Variants in BEND4 observed in about 807,000 individuals in gnomAD.
BEND4 encodes the protein BEN domain containing 4.
Under a neutral mutation model 54.7 loss-of-function variants are expected in BEND4, and 27 were observed. That is an observed-to-expected ratio of 0.49 (90% confidence interval 0.36 to 0.68). The LOEUF (loss-of-function observed/expected upper bound fraction) is 0.68, where lower values mean the gene tolerates loss of function less well. Ranked by LOEUF, BEND4 falls within the 30% of genes least tolerant of loss-of-function variation. The pLI is 0.00. For missense variants in BEND4, 702 were observed against 697.2 expected (o/e 1.01, Z -0.08); for synonymous variants, 327 against 299.5 (o/e 1.09, Z -0.95).
chr4:42,123,633 T>A (rs79520568), intron 4 of BEND4, among the ~76,000 whole-genome samples: 2 of 144,804 alleles, frequency 1.4e-5, no homozygotes, highest in East Asian at 4.0e-4. Flanking sequence ...TTAGGAAATA[T>A]GGATTTAATT....
At chr4:42,134,362 G>A (rs1476677053) in intron 3 of BEND4, among the ~76,000 whole-genome samples, 2 of 152,022 alleles carry the variant, frequency 1.3e-5, no homozygotes, top group African/African-American at 2.4e-5. Flanking sequence ...TCATCTTTAC[G>A]TGCCCTATTC....
At chr4:42,151,112 G>A (rs186476160) in intron 2 of BEND4, 223 of 152,456 alleles carry the variant, frequency 1.5e-3, no homozygotes, top group Non-Finnish European at 1.5e-3. Context: ...AAAGACAGAA[G>A]GAAAAACGGA....
At chr4:42,122,049 G>A (rs956372540) in intron 4 of BEND4, among the ~76,000 whole-genome samples, 5 of 152,080 alleles carry the variant, frequency 3.3e-5, no homozygotes, top group African/African-American at 1.2e-4. Flanking sequence ...GTGAAATCGG[G>A]GGGCTGGCTA....
At chr4:42,150,383 G>A (rs1247350067) in intron 2 of BEND4, among the ~76,000 whole-genome samples, 2 of 152,196 alleles carry the variant, frequency 1.3e-5, no homozygotes, top group Admixed American at 6.5e-5. Context: ...ATCAGTGAGA[G>A]ATGCAACAGA....
In BEND4 at chr4:42,115,193, C is replaced by T. The variant is rs558318217; in HGVS notation, c.*2325G>A. On this transcript the variant is annotated 3_prime_UTR_variant, in exon 6 of 6. Transcript: ENST00000502486. ...AAACAGCTGATAGAGAAATGATTAA[C>T]CTGGAATGGGTGCGAGGGAGGAAGA... The T allele has an allele frequency of 2.6e-5, 4 of 152,296 alleles. No individual in the cohort carries two copies. Among genetic ancestry groups the T allele is most frequent in the African/African-American group, 9.6e-5 (4 of 41,538 alleles). 9.4% of individuals were successfully genotyped at this position (152,296 alleles called of 1,614,324 possible).
chr4:42,146,825 C>G (rs529080796), intron 2 of BEND4, among the ~76,000 whole-genome samples: 4 of 152,162 alleles, frequency 2.6e-5, no homozygotes, highest in Non-Finnish European at 5.9e-5. Flanking sequence ...TAAAACAGAA[C>G]TGGCTAGTAA....
intron 2 of BEND4, among the ~76,000 whole-genome samples, chr4:42,148,904 C>T (rs1260121905): frequency 6.6e-6 from 1 of 152,040 alleles, no homozygotes; most frequent in African/African-American, 2.4e-5. Flanking sequence ...GGTGTATTAC[C>T]CCTTTTAAGG....
At chr4:42,117,769 G>A (rs761996817) in intron 5 of BEND4, 34 bp from the exon 6 acceptor site, 4 of 1,458,170 alleles carry the variant, frequency 2.7e-6, no homozygotes, top group East Asian at 2.4e-5. Context: ...AAAAGAGAGA[G>A]AGAAAAAAAC....
intron 5 of BEND4, among the ~76,000 whole-genome samples, chr4:42,118,221 A>G (rs1719922296): frequency 6.6e-6 from 1 of 152,242 alleles, no homozygotes; most frequent in Non-Finnish European, 1.5e-5. Context: ...CCTAAGTGTT[A>G]GTTCAGAAAA....
intron 3 of BEND4, among the ~76,000 whole-genome samples, chr4:42,128,868 G>A (rs753113380): frequency 2.6e-5 from 4 of 151,964 alleles, no homozygotes; most frequent in Non-Finnish European, 4.4e-5. Context: ...CTCGGGAGGC[G>A]GAGCTTGCAG....
chr4:42,112,078 TGATG>T lies in BEND4; in HGVS notation c.*5436_*5439del, dbSNP rs1258392907. On this transcript the variant is annotated 3_prime_UTR_variant, in exon 6 of 6. Coordinates refer to ENST00000502486, the MANE Select transcript of BEND4 (RefSeq NM_207406.4). ...CAATACACAAATATCAACTCTCCCT[TGATG>T]GCATAAATAAAACAACAAATCCATT... is the stretch of plus-strand genomic sequence containing the variant. 3 of 152,286 alleles carry T rather than the reference TGATG, an allele frequency of 2.0e-5. No homozygotes were observed. The highest frequency in any genetic ancestry group is 7.2e-5 in the African/African-American group (3 of 41,560). 9.4% of individuals were successfully genotyped at this position (152,286 alleles called of 1,614,324 possible).
intron 5 of BEND4, among the ~76,000 whole-genome samples, chr4:42,118,248 G>C (rs190549712): frequency 6.0e-4 from 92 of 152,294 alleles, no homozygotes; most frequent in African/African-American, 2.0e-3. Flanking sequence ...CATGTTCTTA[G>C]AATGTTGTGT....
chr4:42,147,610 G>A (rs1721121828), intron 2 of BEND4, among the ~76,000 whole-genome samples: 1 of 149,566 alleles, frequency 6.7e-6, no homozygotes, highest in Non-Finnish European at 1.5e-5. Context: ...ACCATAAAAT[G>A]TTAATAAATC....
At chr4:42,126,741 G>A (rs1720301589) in intron 3 of BEND4, among the ~76,000 whole-genome samples, 1 of 152,122 alleles carries the variant, frequency 6.6e-6, no homozygotes, top group South Asian at 2.1e-4. Flanking sequence ...GCCGGGCGTG[G>A]TGGCTTACAC....
At chr4:42,134,970 C>T (rs907894265) in intron 3 of BEND4, among the ~76,000 whole-genome samples, 3 of 152,162 alleles carry the variant, frequency 2.0e-5, no homozygotes, top group Admixed American at 6.5e-5. Context: ...ATTGAAGAAC[C>T]TTGTGTGTCA....
At chr4:42,142,809 G>A (rs1048021685) in intron 3 of BEND4, among the ~76,000 whole-genome samples, 2 of 152,118 alleles carry the variant, frequency 1.3e-5, no homozygotes, top group Admixed American at 6.5e-5. Flanking sequence ...ACGGTTTGGG[G>A]CCGGCTTAAT....
At chr4:42,133,802 C>T (rs781234589) in intron 3 of BEND4, among the ~76,000 whole-genome samples, 38 of 152,090 alleles carry the variant, frequency 2.5e-4, no homozygotes, top group Non-Finnish European at 1.2e-4. Context: ...TACAGTGAGC[C>T]GAGATAGTGC....
chr4:42,122,589 G>C (rs1045101341), intron 4 of BEND4, among the ~76,000 whole-genome samples: 4 of 152,122 alleles, frequency 2.6e-5, no homozygotes, highest in African/African-American at 7.2e-5. Context: ...ACTTTAAGGA[G>C]AGCAACATAG....
intron 3 of BEND4, among the ~76,000 whole-genome samples, chr4:42,128,465 A>G (rs1397068317): frequency 6.6e-6 from 1 of 152,134 alleles, no homozygotes; most frequent in South Asian, 2.1e-4. Context: ...CTATTAAAAA[A>G]CACAAAAAAT....
Sources: allele counts gnomAD v4.1 joint callset (sites outside exome capture counted in the v4.1 genomes callset), GRCh38; gene constraint gnomAD v4.1.1; transcripts MANE v1.5; gene names NCBI Gene and HGNC (gene_info 2026-07-23, HGNC 2026-07-21).